Variants in JARID2 observed in about 807,000 individuals in gnomAD.
JARID2 encodes jumonji and AT-rich interaction domain containing 2.
A neutral mutation model predicts 125.6 loss-of-function variants in JARID2; 21 were observed. The observed-to-expected ratio is 0.17, with a 90% confidence interval of 0.12 to 0.24. The LOEUF (loss-of-function observed/expected upper bound fraction) is 0.24, where lower values mean the gene tolerates loss of function less well. Ranked by LOEUF, JARID2 falls within the 10% of genes least tolerant of loss-of-function variation. The probability of loss-of-function intolerance (pLI) is 1.00; values close to 1 mark genes in which losing one functional copy is unlikely to be tolerated. For synonymous variants in JARID2, 736 were observed against 661.6 expected (o/e 1.11, Z -1.73); for missense variants, 1,303 against 1,639.6 (o/e 0.79, Z 3.55).
intron 16 of JARID2, among the ~76,000 whole-genome samples, chr6:15,514,638 C>T (rs940845665): frequency 2.0e-5 from 3 of 152,198 alleles, no homozygotes; most frequent in Admixed American, 6.5e-5. Context: ...ATCGTCAGAT[C>T]GTCAGATCAG....
chr6:15,329,238 T>G (rs1007074843), intron 1 of JARID2, among the ~76,000 whole-genome samples: 1 of 151,832 alleles, frequency 6.6e-6, no homozygotes, highest in Non-Finnish European at 1.5e-5. Context: ...CCCTCCTTAG[T>G]CATCATCTTA....
At position 15,414,092 on chromosome 6, in the gene JARID2, C is replaced by CA. The variant is rs796560529; in HGVS notation, c.323+3734dup. 2.6e-5 allele frequency among the ~76,000 whole-genome samples: 4 copies of CA among 152,060 alleles called. 1 individual carries two copies. The highest frequency in any genetic ancestry group is 9.6e-5 in the African/African-American group (4 of 41,500). The stretch of plus-strand genomic sequence containing the variant: ...ATGTGCATGATTTTAGAATCATCAG[C>CA]AAAAAAATATGCCTTTTGTCTACAG... On this transcript the variant is annotated intron_variant, in intron 3 of 17. Transcript: ENST00000341776.
At chr6:15,327,532 T>A (rs1196759173) in intron 1 of JARID2, among the ~76,000 whole-genome samples, 13 of 145,400 alleles carry the variant, frequency 8.9e-5, no homozygotes, top group African/African-American at 2.5e-4. Context: ...TGGAAGAGTG[T>A]GTGTGTGTGT....
chr6:15,383,370 T>C (rs1339910512), intron 2 of JARID2, among the ~76,000 whole-genome samples: 1 of 151,826 alleles, frequency 6.6e-6, no homozygotes, highest in African/African-American at 2.4e-5. Context: ...GCGGATGAAA[T>C]TAATAACTCC....
chr6:15,433,294 TCTGCCTTGTG>T (rs1221739583), intron 3 of JARID2, among the ~76,000 whole-genome samples: 1 of 152,218 alleles, frequency 6.6e-6, no homozygotes, highest in Non-Finnish European at 1.5e-5. Context: ...AGCTTGTTCA[TCTGCCTTGTG>T]CAGAGAAAGA....
intron 1 of JARID2, among the ~76,000 whole-genome samples, chr6:15,254,180 A>G (rs1248947326): frequency 6.6e-6 from 1 of 152,176 alleles, no homozygotes; most frequent in Non-Finnish European, 1.5e-5. Flanking sequence ...TCTTTGAGTC[A>G]TCATTGGAAG....
intron 1 of JARID2, among the ~76,000 whole-genome samples, chr6:15,356,350 C>T (rs948937355): frequency 1.3e-5 from 2 of 152,162 alleles, no homozygotes; most frequent in Admixed American, 1.3e-4. Flanking sequence ...CACACTTGGC[C>T]TAAGTAGCTT....
At chr6:15,329,838 T>C (rs1762649592) in intron 1 of JARID2, among the ~76,000 whole-genome samples, 1 of 152,224 alleles carries the variant, frequency 6.6e-6, no homozygotes, top group Non-Finnish European at 1.5e-5. Flanking sequence ...GGAGTGATCT[T>C]TGTAGAATCT....
At chr6:15,513,773 G>A (rs1771397918) in intron 16 of JARID2, among the ~76,000 whole-genome samples, 1 of 152,272 alleles carries the variant, frequency 6.6e-6, no homozygotes, top group Non-Finnish European at 1.5e-5. Context: ...GAGGCAGTGA[G>A]GGGCGGGTTT....
At chr6:15,490,335 G>C (rs184515831) in intron 6 of JARID2, among the ~76,000 whole-genome samples, 1 of 152,266 alleles carries the variant, frequency 6.6e-6, no homozygotes, top group Admixed American at 6.5e-5. Flanking sequence ...AATTTTTAGG[G>C]GGTGCTGCCG....
At chr6:15,417,114 TAGAG>T in intron 3 of JARID2, among the ~76,000 whole-genome samples, 1 of 152,210 alleles carries the variant, frequency 6.6e-6, no homozygotes, top group Admixed American at 6.5e-5. Flanking sequence ...GCGACTAAAA[TAGAG>T]AGCAAGATTA....
chr6:15,365,571 T>C (rs1763946412), intron 1 of JARID2, among the ~76,000 whole-genome samples: 2 of 151,818 alleles, frequency 1.3e-5, no homozygotes, highest in African/African-American at 4.8e-5. Flanking sequence ...AGTTGTGTTA[T>C]GCAATAAATC....
In JARID2 at chr6:15,357,632, G is replaced by A. The variant is rs187552387; in HGVS notation, c.46-16485G>A. 4.3e-4 allele frequency among the ~76,000 whole-genome samples: 65 copies of A among 152,128 alleles called. No individual in the cohort carries two copies. The East Asian group carries it at 0.011, about 26-fold the overall frequency. ...AATTCGCCAAGTTGAAAGACCCTTG[G>A]TCGAGAAATTCTGTATCAAATTTAG... On this transcript the variant is annotated intron_variant, in intron 1 of 17. Transcript: ENST00000341776.
At chr6:15,514,622 AGTCAGATC>A (rs139776798) in intron 16 of JARID2, among the ~76,000 whole-genome samples, 1,814 of 152,284 alleles carry the variant, frequency 0.012, 38 homozygotes, top group African/African-American at 0.038. Context: ...CTCCCGGATG[AGTCAGATC>A]GTCAGATCGT....
At chr6:15,437,193 T>C (rs1468723428) in intron 3 of JARID2, among the ~76,000 whole-genome samples, 1 of 152,196 alleles carries the variant, frequency 6.6e-6, no homozygotes, top group East Asian at 1.9e-4. Context: ...TTTCAGGGAC[T>C]GGTTGGGAAT....
intron 8 of JARID2, 25 bp from the exon 9 acceptor site, chr6:15,504,475 T>C: frequency 6.4e-7 from 1 of 1,563,166 alleles, no homozygotes; most frequent in South Asian, 1.1e-5. Flanking sequence ...CTTCTGAAGC[T>C]TTACTGTTTT....
In JARID2 at chr6:15,300,869, C is replaced by G. The variant is rs1490950037; in HGVS notation, c.45+54285C>G. Among the ~76,000 whole-genome samples, 3 of 151,972 alleles carry G rather than the reference C, an allele frequency of 2.0e-5. No individual in the cohort carries two copies. In the East Asian group the frequency reaches 5.8e-4, roughly 29 times the overall value. On this transcript the variant is annotated intron_variant, in intron 1 of 17. Transcript: ENST00000341776. The stretch of plus-strand genomic sequence containing the variant: ...GTGTTGCACAGAAGTTGAATTCTTA[C>G]TTGGAAAGTTTAGGTCTGGGACGGA...
intron 1 of JARID2, among the ~76,000 whole-genome samples, chr6:15,342,964 T>C (rs1229723669): frequency 6.6e-6 from 1 of 152,126 alleles, no homozygotes; most frequent in African/African-American, 2.4e-5. Flanking sequence ...TCCCAACATT[T>C]TGGGAGGCCA....
intron 1 of JARID2, among the ~76,000 whole-genome samples, chr6:15,284,028 G>GT (rs1467625441): frequency 6.6e-6 from 1 of 152,006 alleles, no homozygotes; most frequent in African/African-American, 2.4e-5. Flanking sequence ...TGTTTATAGT[G>GT]TTTTTTCTTT....
Sources: allele counts gnomAD v4.1 joint callset (sites outside exome capture counted in the v4.1 genomes callset), GRCh38; gene constraint gnomAD v4.1.1; transcripts MANE v1.5; gene names NCBI Gene and HGNC (gene_info 2026-07-23, HGNC 2026-07-21).